SYT1: variants seen among roughly 807,000 people sequenced by gnomAD.
SYT1 encodes synaptotagmin 1, also known as synaptotagmin-1.
A neutral mutation model predicts 44.8 loss-of-function variants in SYT1; 8 were observed. The ratio of observed to expected loss-of-function variants is 0.18; its 90% CI spans 0.10 to 0.32. The LOEUF (loss-of-function observed/expected upper bound fraction) is 0.32, where lower values mean the gene tolerates loss of function less well. SYT1 is among the 10% of genes least tolerant of loss of function. The pLI is 1.00. For missense variants in SYT1, 286 were observed against 509.3 expected (o/e 0.56, Z 4.22); for synonymous variants, 154 against 188.8 (o/e 0.82, Z 1.51).
At chr12:79,150,322 C>T (rs920503694) in intron 3 of SYT1, among the ~76,000 whole-genome samples, 1 of 152,060 alleles carries the variant, frequency 6.6e-6, no homozygotes, top group Non-Finnish European at 1.5e-5. Context: ...ACCTAGAAGA[C>T]TTTATTCTAA....
At chr12:79,019,399 A>G (rs1156420104) in intron 2 of SYT1, among the ~76,000 whole-genome samples, 1 of 152,050 alleles carries the variant, frequency 6.6e-6, no homozygotes, top group Non-Finnish European at 1.5e-5. Context: ...TTCCAGGGTT[A>G]TACTGCAAAA....
intron 4 of SYT1, among the ~76,000 whole-genome samples, chr12:79,229,878 A>C (rs1248662484): frequency 6.6e-6 from 1 of 152,148 alleles, no homozygotes; most frequent in Non-Finnish European, 1.5e-5. Flanking sequence ...TACAGGCGTG[A>C]GCCACCACGC....
At chr12:79,045,183 A>C (rs1463279032) in intron 2 of SYT1, among the ~76,000 whole-genome samples, 1 of 152,172 alleles carries the variant, frequency 6.6e-6, no homozygotes, top group Non-Finnish European at 1.5e-5. Flanking sequence ...TGTTTACCTA[A>C]GCAAGCCCGG....
chr12:79,258,661 A>G (rs1877664848), intron 4 of SYT1, among the ~76,000 whole-genome samples: 1 of 152,234 alleles, frequency 6.6e-6, no homozygotes. Flanking sequence ...TATGTGTAAT[A>G]AAAGCATAAA....
At chr12:78,960,897 G>A (rs998423866) in intron 1 of SYT1, among the ~76,000 whole-genome samples, 3 of 152,054 alleles carry the variant, frequency 2.0e-5, no homozygotes, top group Admixed American at 6.6e-5. Flanking sequence ...TGGAGCATAC[G>A]GTAGAGGTGG....
intron 5 of SYT1, chr12:79,291,719 A>C: frequency 2.0e-6 from 1 of 505,222 alleles, no homozygotes; most frequent in Non-Finnish European, 3.8e-6. Context: ...GCCAAATACA[A>C]CACCAAGTTG....
intron 2 of SYT1, among the ~76,000 whole-genome samples, chr12:79,030,252 T>C (rs540943915): frequency 4.0e-4 from 61 of 151,174 alleles, no homozygotes; most frequent in African/African-American, 1.4e-3. Flanking sequence ...TGCTCTTTGT[T>C]GCCCTTTGTG....
intron 1 of SYT1, among the ~76,000 whole-genome samples, chr12:78,941,850 G>A (rs1338068290): frequency 6.6e-6 from 1 of 152,168 alleles, no homozygotes; most frequent in African/African-American, 2.4e-5. Flanking sequence ...ACACCAGTTG[G>A]GGGTGAAAAG....
intron 8 of SYT1, among the ~76,000 whole-genome samples, chr12:79,301,099 G>A (rs979095296): frequency 2.0e-5 from 3 of 151,936 alleles, no homozygotes; most frequent in South Asian, 4.2e-4. Flanking sequence ...TTGACTTTGT[G>A]TAAATTTTTT....
intron 2 of SYT1, among the ~76,000 whole-genome samples, chr12:78,988,870 G>A (rs2137474513): frequency 1.3e-5 from 2 of 152,250 alleles, no homozygotes; most frequent in South Asian, 4.1e-4. Context: ...GATATCAAGA[G>A]TGCAGGCAGA....
chr12:79,135,679 A>G (rs1869142519), intron 3 of SYT1, among the ~76,000 whole-genome samples: 1 of 152,174 alleles, frequency 6.6e-6, no homozygotes, highest in Non-Finnish European at 1.5e-5. Flanking sequence ...TGGATGGTTT[A>G]CAGGAGCATC....
At chr12:79,027,294 T>C (rs1872594946) in intron 2 of SYT1, among the ~76,000 whole-genome samples, 1 of 151,514 alleles carries the variant, frequency 6.6e-6, no homozygotes, top group Non-Finnish European at 1.5e-5. Context: ...TCCTGCTTAC[T>C]TCCATTAAGC....
chr12:78,992,694 A>G (rs1335261090), intron 2 of SYT1, among the ~76,000 whole-genome samples: 1 of 152,212 alleles, frequency 6.6e-6, no homozygotes, highest in East Asian at 1.9e-4. Context: ...TAGAGAGCAC[A>G]GACTGGCATT....
intron 3 of SYT1, among the ~76,000 whole-genome samples, chr12:79,196,223 A>G (rs779789607): frequency 6.6e-6 from 1 of 152,036 alleles, no homozygotes; most frequent in Non-Finnish European, 1.5e-5. Flanking sequence ...GCTGGAGTGC[A>G]GTGTCACGAT....
chr12:79,199,260 A>G (rs895459423), intron 3 of SYT1, among the ~76,000 whole-genome samples: 3 of 152,184 alleles, frequency 2.0e-5, no homozygotes, highest in Non-Finnish European at 2.9e-5. Context: ...AGATTTCCAC[A>G]GAGACTTTTC....
At chr12:79,247,055 GT>G (rs949213225) in intron 4 of SYT1, among the ~76,000 whole-genome samples, 3 of 152,064 alleles carry the variant, frequency 2.0e-5, no homozygotes, top group Admixed American at 6.6e-5. Context: ...AAGGATAAAG[GT>G]TTTTTTAATC....
chr12:79,419,900 TTACTG>T (rs1262793919), intron 9 of SYT1, among the ~76,000 whole-genome samples: 17 of 152,270 alleles, frequency 1.1e-4, no homozygotes, highest in Admixed American at 1.1e-3. Flanking sequence ...AAATGGCACT[TTACTG>T]TATGTATTTT....
At chr12:79,027,611 G>A (rs1872610671) in intron 2 of SYT1, among the ~76,000 whole-genome samples, 1 of 151,324 alleles carries the variant, frequency 6.6e-6, no homozygotes, top group Admixed American at 6.6e-5. Context: ...AAAGCTTTTA[G>A]GCATGTGACA....
intron 9 of SYT1, among the ~76,000 whole-genome samples, chr12:79,418,945 T>C: frequency 6.6e-6 from 1 of 152,144 alleles, no homozygotes; most frequent in East Asian, 1.9e-4. Flanking sequence ...TCTGGGGGAA[T>C]GGCCAAGGGG....
Sources: allele counts gnomAD v4.1 joint callset (sites outside exome capture counted in the v4.1 genomes callset), GRCh38; gene constraint gnomAD v4.1.1; transcripts MANE v1.5; gene names NCBI Gene and HGNC (gene_info 2026-07-23, HGNC 2026-07-21).